The following ALOX15 variants were observed in gnomAD, a reference collection of about 807,000 sequenced individuals.
The protein encoded by ALOX15 is polyunsaturated fatty acid lipoxygenase ALOX15.
Under a neutral mutation model 71.7 loss-of-function variants are expected in ALOX15, and 68 were observed. The ratio of observed to expected loss-of-function variants is 0.95; its 90% CI spans 0.78 to 1.16. The LOEUF is 1.16. Among genes scored for constraint, ALOX15 ranks in the 50% most tolerant of loss-of-function variants. The probability of loss-of-function intolerance (pLI) is 0.00; values close to 1 mark genes in which losing one functional copy is unlikely to be tolerated. For synonymous variants in ALOX15, 346 were observed against 333.3 expected, an observed-to-expected ratio of 1.04 and a Z score of -0.42; for missense variants, 798 against 818.8, an observed-to-expected ratio of 0.97 and a Z score of 0.31.
chr17:4,641,071 A>T (rs1476036348), intron 1 of ALOX15, among the ~76,000 whole-genome samples: 1 of 149,346 alleles, frequency 6.7e-6, no homozygotes, highest in Non-Finnish European at 1.5e-5. Context: ...TGGGTCGGGA[A>T]ATCGAGAGCG....
In ALOX15 at chr17:4,632,918, G is replaced by C; in HGVS notation, c.1483C>G (p.Leu495Val). Reference sequence around the variant, plus strand: ...GTGATCTCTCGACACCAGGTCTGCAGCTCTGGGTCGTCTTTCACAGCCACG... The same window carrying C: ...GTGATCTCTCGACACCAGGTCTGCACCTCTGGGTCGTCTTTCACAGCCACG... Reference protein sequence around the residue: ...TDVAVKDDPELQTWCREITEI... With the variant: ...TDVAVKDDPEVQTWCREITEI... Residue 495 changes from leucine to valine, a missense_variant, in exon 11 of 14, where the codon CTG becomes GTG. This residue lies in a region of ALOX15 where 490 missense variants were observed against 509.4 expected (regional missense o/e 0.96). Coordinates refer to ENST00000293761, the MANE Select transcript of ALOX15 (RefSeq NM_001140.5). 1 of 1,614,132 alleles carries C rather than the reference G, an allele frequency of 6.2e-7. No individual in the cohort carries two copies. Among genetic ancestry groups the C allele is most frequent in the Non-Finnish European group, 8.5e-7 (1 of 1,180,014 alleles).
At chr17:4,638,798 C>T in intron 4 of ALOX15, 52 bp downstream of exon 4, 1 of 1,613,278 alleles carries the variant, frequency 6.2e-7, no homozygotes, top group Non-Finnish European at 8.5e-7. Flanking sequence ...AGCCCCTTGG[C>T]TTCCACTAGA....
At position 4,633,416 on chromosome 17, in the gene ALOX15, G is replaced by C. The variant is rs781031624; in HGVS notation, c.1246C>G (p.Gln416Glu). Residue 416 changes from glutamine (Q) to glutamate (E), a missense_variant and splice_region_variant, in exon 9 of 14, where the codon CAG becomes GAG. Physicochemically the swap from Gln to Glu is conservative, Grantham distance 29 (BLOSUM62 2). Transcript: ENST00000293761. ...GLVSDMGIFD[Q>E]IMSTGGGGHV... ...AATCTCCCTTTCTCTTCCCATACCT[G>C]GTCGAAAATTCCCATGTCAGAGACC... 1.9e-6 allele frequency: 3 copies of C among 1,614,028 alleles called. No individual in the cohort carries two copies. Among genetic ancestry groups the C allele is most frequent in the Non-Finnish European group, 2.5e-6 (3 of 1,179,942 alleles).
Position 4,635,958 on chromosome 17 carries a change from G to A in ALOX15, c.962C>T (p.Pro321Leu), listed in dbSNP as rs1911080885. The A allele has an allele frequency of 6.2e-7, 1 of 1,613,546 alleles. No homozygotes were observed. The change falls in exon 8 of 14, where the codon CCC becomes CTC. Residue 321 changes from proline (P) to leucine (L), a missense_variant. Pro to Leu is a moderately conservative substitution (Grantham distance 98). Around this residue, in one of 3 missense-constraint regions of ALOX15, gnomAD observed 490 missense variants for 509.4 expected, o/e 0.96. Coordinates refer to ENST00000293761, the MANE Select transcript of ALOX15 (RefSeq NM_001140.5). ...LLPMVIQLQL[P>L]RTGSPPPPLF... ...GGGAGGTGGTGGGGATCCTGTGCGG[G>A]GCAGCTGGAGCTGGAGCAGGGACAA...
chr17:4,636,751 G>C (rs1470597876), intron 7 of ALOX15, among the ~76,000 whole-genome samples: 1 of 152,126 alleles, frequency 6.6e-6, no homozygotes, highest in Non-Finnish European at 1.5e-5. Flanking sequence ...GGAATTGCCT[G>C]ACTCCTCTAC....
At chr17:4,634,867 A>G (rs1911039595) in intron 8 of ALOX15, among the ~76,000 whole-genome samples, 1 of 151,674 alleles carries the variant, frequency 6.6e-6, no homozygotes, top group African/African-American at 2.4e-5. Context: ...AATCCCAGCT[A>G]CTCGGGAGGC....
At position 4,631,752 on chromosome 17, in the gene ALOX15, ACTC is replaced by A. The variant is rs777989137; in HGVS notation, c.1834_1836del (p.Glu612del). 5.0e-5 allele frequency: 81 copies of A among 1,613,614 alleles called. No homozygotes were observed. The highest frequency in any genetic ancestry group is 6.7e-5 in the Non-Finnish European group (79 of 1,179,946). On this transcript the variant is annotated inframe_deletion, in exon 14 of 14. Coordinates refer to ENST00000293761, the MANE Select transcript of ALOX15 (RefSeq NM_001140.5). Reference sequence around the variant, plus strand: ...GCCTTAGGCTCAGGGCCCGAAAAATACTCCTCCTCATGCTGGCCCACAGCCACC... The same window carrying A: ...GCCTTAGGCTCAGGGCCCGAAAAATACTCCTCATGCTGGCCCACAGCCACC...
In ALOX15 at chr17:4,638,642, A is replaced by T. The variant is rs1297425053; in HGVS notation, c.585T>A (p.Thr195=). The T allele has an allele frequency of 3.7e-6, 6 of 1,614,102 alleles. No individual in the cohort carries two copies. Among genetic ancestry groups the T allele is most frequent in the African/African-American group, 2.7e-5 (2 of 74,946 alleles). ...TGAAGTCATCTAGATCCTTCCAGCAAGTCAGAACATTTAGAGAGTCTTTGA... is the reference window on the plus strand; with the variant it reads ...TGAAGTCATCTAGATCCTTCCAGCATGTCAGAACATTTAGAGAGTCTTTGA... ...LAIKDSLNVL[T]CWKDLDDFNR... The change falls in exon 5 of 14, where the codon ACT becomes ACA. Residue 195 remains threonine (T), a synonymous_variant. Transcript: ENST00000293761.
chr17:4,632,345 G>T (rs1277976766), intron 11 of ALOX15, 64 bp from the exon 12 acceptor site: 2 of 1,325,632 alleles, frequency 1.5e-6, no homozygotes, highest in African/African-American at 1.4e-5. Flanking sequence ...CAGAGGAAGA[G>T]GCCAAGAGAG....
rs1911340661 is a variant in ALOX15 at position 4,641,653 on chromosome 17, T to G, written c.-2A>C. The G allele has an allele frequency of 3.7e-6, 6 of 1,606,738 alleles. No individual in the cohort carries two copies. The highest frequency in any genetic ancestry group is 5.1e-6 in the Non-Finnish European group (6 of 1,178,516). On this transcript the variant is annotated 5_prime_UTR_variant, in exon 1 of 14. Coordinates refer to ENST00000293761, the MANE Select transcript of ALOX15 (RefSeq NM_001140.5). ...CACGCGGATGCGGTAGAGACCCATC[T>G]TGCTCAAAGATGTTTCGCTCCTTCT...
At chr17:4,635,195 C>T (rs955700078) in intron 8 of ALOX15, among the ~76,000 whole-genome samples, 4 of 151,814 alleles carry the variant, frequency 2.6e-5, no homozygotes, top group African/African-American at 9.7e-5. Context: ...CTTTGGGAGA[C>T]CTAGACAAGC....
Position 4,639,503 on chromosome 17 carries a change from G to A in ALOX15, c.264C>T (p.Ala88=). 6.2e-7 allele frequency: 1 copy of A among 1,613,954 alleles called. No individual in the cohort carries two copies. The highest frequency in any genetic ancestry group is 8.5e-7 in the Non-Finnish European group (1 of 1,180,026). ...CNWISVQGPG[A]GDEVRFPCYR... ...AACAAGGGAACCTGACCTCGTCCCC[G>A]GCTCCGGGGCCCTGCACAGAGATCC... Residue 88 remains alanine (A), a synonymous_variant, in exon 2 of 14, where the codon GCC becomes GCT. Transcript: ENST00000293761.
intron 1 of ALOX15, among the ~76,000 whole-genome samples, chr17:4,640,607 C>T (rs1442486877): frequency 1.6e-5 from 2 of 125,328 alleles, no homozygotes; most frequent in African/African-American, 3.3e-5. Flanking sequence ...CATGGAGTCG[C>T]GGGGCCACCT....
chr17:4,639,164 CT>C (rs1390643735), intron 2 of ALOX15, 32 bp from the exon 3 acceptor site: 5 of 1,612,852 alleles, frequency 3.1e-6, no homozygotes, highest in Admixed American at 1.7e-5. Flanking sequence ...TGGCCAGTGA[CT>C]TTTGGTGAGC....
Position 4,638,276 on chromosome 17 carries a change from G to C in ALOX15, c.748C>G (p.Arg250Gly), listed in dbSNP as rs1458585643. ...VLRRSAHLPARLVFPPGMEEL... is the reference protein window; with the variant it reads ...VLRRSAHLPAGLVFPPGMEEL... Reference sequence around the variant, plus strand: ...TCCATGCCTGGAGGGAACACTAGGCGAGCAGGAAGGTGAGCAGAGCGCCTC... The same window carrying C: ...TCCATGCCTGGAGGGAACACTAGGCCAGCAGGAAGGTGAGCAGAGCGCCTC... Residue 250 changes from arginine to glycine, a missense_variant, in exon 6 of 14, where the codon CGC becomes GGC. Coordinates refer to ENST00000293761, the MANE Select transcript of ALOX15 (RefSeq NM_001140.5). The C allele has an allele frequency of 4.1e-6, 3 of 739,650 alleles. No homozygotes were observed. Among genetic ancestry groups the C allele is most frequent in the East Asian group, 2.7e-5 (1 of 37,384 alleles). 45.8% of individuals were successfully genotyped at this position (739,650 alleles called of 1,614,324 possible). A position where few individuals can be genotyped will look rare whatever the true frequency, so the allele number is the denominator to read the frequency against.
chr17:4,636,660 G>A (rs2619117), intron 7 of ALOX15, among the ~76,000 whole-genome samples: 63,623 of 151,948 alleles, frequency 0.42, 15,040 homozygotes, highest in South Asian at 0.57. Context: ...CCCACAGCAC[G>A]TTTCATCACG....
Position 4,639,629 on chromosome 17 carries a change from C to T in ALOX15, c.138G>A (p.Glu46=). 1 of 1,609,606 alleles carries T rather than the reference C, an allele frequency of 6.2e-7. No individual in the cohort carries two copies. Among genetic ancestry groups the T allele is most frequent in the Non-Finnish European group, 8.5e-7 (1 of 1,178,028 alleles). The change falls in exon 2 of 14, where the codon GAG becomes GAA. Residue 46 remains glutamate, a splice_region_variant and synonymous_variant. Coordinates refer to ENST00000293761, the MANE Select transcript of ALOX15 (RefSeq NM_001140.5). ...CCGGTACTTCCACCTTGAGTTCTGT[C>T]TCCTGCGGGCGACAGAAGAGGCTCA... ...GKRLWPARGK[E]TELKVEVPEY...
intron 1 of ALOX15, 80 bp downstream of exon 1, chr17:4,641,437 G>A (rs1002442679): frequency 1.3e-6 from 2 of 1,538,552 alleles, no homozygotes; most frequent in South Asian, 1.2e-5. Flanking sequence ...AGAGGCCAAC[G>A]GGGGCGCATG....
chr17:4,631,812 T>C (rs749506508), intron 13 of ALOX15, 33 bp from the exon 14 acceptor site: 2 of 1,612,318 alleles, frequency 1.2e-6, no homozygotes, highest in Non-Finnish European at 1.7e-6. Context: ...GCTGAGAGCC[T>C]TATGACCCCC....
Sources: allele counts gnomAD v4.1 joint callset (sites outside exome capture counted in the v4.1 genomes callset), GRCh38; gene constraint gnomAD v4.1.1; regional missense constraint gnomAD v4.1.1; transcripts MANE v1.5; gene names NCBI Gene and HGNC (gene_info 2026-07-23, HGNC 2026-07-21).